Variants in ERBB4 observed in about 807,000 individuals in gnomAD.
ERBB4 encodes the protein erb-b2 receptor tyrosine kinase 4, also known as receptor tyrosine-protein kinase erbB-4.
In ERBB4, 42 loss-of-function variants were observed where a neutral mutation model predicts 158.0. The observed-to-expected ratio is 0.27, with a 90% CI of 0.21 to 0.34. The LOEUF (loss-of-function observed/expected upper bound fraction) is 0.34. Ranked by LOEUF, ERBB4 falls within the 10% of genes least tolerant of loss-of-function variation. The pLI, the probability that ERBB4 is intolerant of heterozygous loss-of-function variation, is 1.00. For synonymous variants in ERBB4, 583 were observed against 558.7 expected, an observed-to-expected ratio of 1.04 and a Z score of -0.61; for missense variants, 1,333 against 1,624.1, an observed-to-expected ratio of 0.82 and a Z score of 3.08.
intron 2 of ERBB4, among the ~76,000 whole-genome samples, chr2:212,004,504 T>C (rs576468179): frequency 6.6e-6 from 1 of 152,282 alleles, no homozygotes; most frequent in East Asian, 1.9e-4. Flanking sequence ...TCCCTGTCAA[T>C]TGGGTTTGCA....
chr2:212,459,882 C>A (rs747823142), intron 1 of ERBB4, among the ~76,000 whole-genome samples: 1 of 151,984 alleles, frequency 6.6e-6, no homozygotes, highest in African/African-American at 2.4e-5. Flanking sequence ...AACTGGATAC[C>A]CATATGGAAA....
In ERBB4 at chr2:211,385,612, ACT is replaced by A. The variant is rs1256557047; in HGVS notation, c.3481+1239_3481+1240del. On this transcript the variant is annotated intron_variant, in intron 27 of 27. Coordinates refer to ENST00000342788, the MANE Select transcript of ERBB4 (RefSeq NM_005235.3). ...AGGAATGTCTACACTAAAATTCTGTACTCTCTGAGTACGAGGTTAGACTATAG... is the reference window on the plus strand; with the variant it reads ...AGGAATGTCTACACTAAAATTCTGTACTCTGAGTACGAGGTTAGACTATAG... 9.9e-5 allele frequency among the ~76,000 whole-genome samples: 15 copies of A among 152,142 alleles called. No homozygotes were observed. In the South Asian group the frequency reaches 1.9e-3, roughly 19 times the overall value.
intron 2 of ERBB4, among the ~76,000 whole-genome samples, chr2:212,062,587 A>G (rs1001052653): frequency 6.6e-6 from 1 of 151,670 alleles, no homozygotes; most frequent in African/African-American, 2.4e-5. Context: ...TTGTATTTTT[A>G]GTACAGAGGG....
intron 4 of ERBB4, among the ~76,000 whole-genome samples, chr2:211,758,046 A>G (rs1575104554): frequency 6.6e-6 from 1 of 152,368 alleles, no homozygotes; most frequent in East Asian, 1.9e-4. Flanking sequence ...TAAAAGAAAA[A>G]TTGATGATAA....
intron 2 of ERBB4, among the ~76,000 whole-genome samples, chr2:212,070,482 A>G (rs1307470650): frequency 1.3e-5 from 2 of 152,104 alleles, no homozygotes; most frequent in Non-Finnish European, 2.9e-5. Flanking sequence ...GTGTCATAAG[A>G]TAATACACAT....
intron 19 of ERBB4, among the ~76,000 whole-genome samples, chr2:211,593,658 C>T (rs2068542448): frequency 6.6e-6 from 1 of 152,176 alleles, no homozygotes; most frequent in African/African-American, 2.4e-5. Context: ...TGTTGTCACA[C>T]AAAGATACTC....
chr2:211,445,808 T>C (rs1346603514), intron 20 of ERBB4, among the ~76,000 whole-genome samples: 2 of 152,096 alleles, frequency 1.3e-5, no homozygotes, highest in Admixed American at 1.3e-4. Context: ...AAGTTTGGGA[T>C]TGTTTATTCC....
chr2:211,737,579 G>A (rs1316748488), intron 5 of ERBB4, among the ~76,000 whole-genome samples: 18 of 152,030 alleles, frequency 1.2e-4, no homozygotes, highest in Admixed American at 1.2e-3. Context: ...TTCACTTTAC[G>A]TAATAGCTGT....
At chr2:211,919,942 A>G (rs1268223468) in intron 3 of ERBB4, among the ~76,000 whole-genome samples, 1 of 151,978 alleles carries the variant, frequency 6.6e-6, no homozygotes, top group African/African-American at 2.4e-5. Flanking sequence ...TTAAACAACC[A>G]CTAATCTTTT....
chr2:211,971,985 T>A (rs569291342), intron 2 of ERBB4, among the ~76,000 whole-genome samples: 172 of 152,204 alleles, frequency 1.1e-3, no homozygotes, highest in Middle Eastern at 3.4e-3. Context: ...CCCCTGTTTG[T>A]GGATAACATG....
chr2:212,252,392 G>C (rs1217722461), intron 1 of ERBB4, among the ~76,000 whole-genome samples: 1 of 152,020 alleles, frequency 6.6e-6, no homozygotes, highest in Non-Finnish European at 1.5e-5. Context: ...TCAAAAAGAA[G>C]AGAATGACCG....
intron 19 of ERBB4, among the ~76,000 whole-genome samples, chr2:211,609,974 T>C (rs2069130928): frequency 6.7e-6 from 1 of 150,216 alleles, no homozygotes; most frequent in Non-Finnish European, 1.5e-5. Context: ...CTTGATTATT[T>C]TGAGGAAACG....
chr2:211,828,961 C>T (rs947400903), intron 3 of ERBB4, among the ~76,000 whole-genome samples: 3 of 152,114 alleles, frequency 2.0e-5, no homozygotes, highest in Admixed American at 1.3e-4. Context: ...TTGCTGGTAC[C>T]AACCACTCTC....
intron 20 of ERBB4, among the ~76,000 whole-genome samples, chr2:211,509,315 A>C (rs2065831788): frequency 6.6e-6 from 1 of 152,152 alleles, no homozygotes; most frequent in South Asian, 2.1e-4. Flanking sequence ...ACAAACCTGC[A>C]CATTCTGTAC....
intron 4 of ERBB4, among the ~76,000 whole-genome samples, chr2:211,775,874 G>A (rs1039523933): frequency 4.6e-5 from 7 of 152,214 alleles, no homozygotes; most frequent in South Asian, 2.1e-4. Flanking sequence ...TTGACCTAAC[G>A]TTTTTTATGT....
chr2:212,020,996 C>T (rs1011152654), intron 2 of ERBB4, among the ~76,000 whole-genome samples: 2 of 151,984 alleles, frequency 1.3e-5, no homozygotes, highest in African/African-American at 2.4e-5. Flanking sequence ...TTATGGATTA[C>T]ATAGAATAGA....
chr2:211,968,957 T>C (rs2081379076), intron 2 of ERBB4, among the ~76,000 whole-genome samples: 1 of 152,132 alleles, frequency 6.6e-6, no homozygotes, highest in Non-Finnish European at 1.5e-5. Context: ...AAATTAGTAA[T>C]GTACATTTTC....
At chr2:212,426,961 A>G (rs967558282) in intron 1 of ERBB4, among the ~76,000 whole-genome samples, 1 of 152,174 alleles carries the variant, frequency 6.6e-6, no homozygotes, top group African/African-American at 2.4e-5. Flanking sequence ...TGATGATTCA[A>G]GCTACAGGAT....
intron 1 of ERBB4, among the ~76,000 whole-genome samples, chr2:212,369,591 C>A (rs2090013986): frequency 6.6e-6 from 1 of 151,842 alleles, no homozygotes; most frequent in African/African-American, 2.4e-5. Context: ...TGTTTTAATG[C>A]CTGTATATTA....
Sources: gnomAD v4.1 joint callset for allele counts (sites outside exome capture counted in the v4.1 genomes callset) on GRCh38, gnomAD v4.1.1 for gene constraint, MANE v1.5 for transcripts, NCBI Gene and HGNC (gene_info 2026-07-23, HGNC 2026-07-21) for gene names.